The following THSD7A variants were observed in gnomAD, a reference collection of about 807,000 sequenced individuals.
THSD7A encodes thrombospondin type 1 domain containing 7A, also known as thrombospondin type-1 domain-containing protein 7A.
A neutral mutation model predicts 231.3 loss-of-function variants in THSD7A; 96 were observed. The ratio of observed to expected loss-of-function variants is 0.41; its 90% CI spans 0.35 to 0.49. The LOEUF is 0.49. Ranked by LOEUF, THSD7A falls within the 20% of genes least tolerant of loss-of-function variation. The pLI is 0.05. For synonymous variants in THSD7A, 940 were observed against 743.3 expected (o/e 1.26, Z -4.30); for missense variants, 2,290 against 2,070.2 (o/e 1.11, Z -2.06).
At chr7:11,587,785 A>G (rs1369376067) in intron 4 of THSD7A, among the ~76,000 whole-genome samples, 1 of 152,200 alleles carries the variant, frequency 6.6e-6, no homozygotes, top group East Asian at 1.9e-4. Context: ...AGTCAGTATC[A>G]TTCCCCTGTG....
Position 11,413,431 on chromosome 7 carries a change from CT to C in THSD7A, c.3538-632del, listed in dbSNP as rs566864264. 5.5e-4 allele frequency among the ~76,000 whole-genome samples: 84 copies of C among 152,014 alleles called. 1 individual carries two copies. The South Asian group carries it at 0.016, about 29-fold the overall frequency. The stretch of plus-strand genomic sequence containing the variant: ...CGTAAGGGTTATACAGAAACAAGCC[CT>C]TTGGAAAAACTCACTCTGCACCTGA... On this transcript the variant is annotated intron_variant, in intron 17 of 27. Transcript: ENST00000423059.
chr7:11,411,465 G>T lies in THSD7A; in HGVS notation c.3683-143C>A. The T allele has an allele frequency of 3.2e-6, 2 of 616,582 alleles. No homozygotes were observed. Among genetic ancestry groups the T allele is most frequent in the Non-Finnish European group, 5.7e-6 (2 of 351,606 alleles). The allele number at this position is 616,582 out of a possible 1,614,324, so 38.2% of individuals were successfully genotyped here. A position where few individuals can be genotyped will look rare whatever the true frequency, so the allele number is the denominator to read the frequency against. On this transcript the variant is annotated intron_variant, in intron 18 of 27. Coordinates refer to ENST00000423059, the MANE Select transcript of THSD7A (RefSeq NM_015204.3). This position sits in a 1 kb window ranked among gnomAD's most constrained non-coding sequence, Gnocchi z 4.1. ...AATCATCCCCCATGCAGAGCATATGGGTCCCAGCTTTGAACGTATCAGGAG... is the reference window on the plus strand; with the variant it reads ...AATCATCCCCCATGCAGAGCATATGTGTCCCAGCTTTGAACGTATCAGGAG...
At chr7:11,670,674 T>C (rs1783348282) in intron 1 of THSD7A, among the ~76,000 whole-genome samples, 1 of 152,160 alleles carries the variant, frequency 6.6e-6, no homozygotes, top group African/African-American at 2.4e-5. Flanking sequence ...AAGTGATCCA[T>C]TAGGATCACA....
At chr7:11,564,562 G>A (rs947954596) in intron 4 of THSD7A, among the ~76,000 whole-genome samples, 2 of 152,146 alleles carry the variant, frequency 1.3e-5, no homozygotes, top group East Asian at 3.9e-4. Context: ...CTTTGCCTTG[G>A]TGTCTGTTCC....
At chr7:11,623,027 T>C (rs1781369340) in intron 2 of THSD7A, among the ~76,000 whole-genome samples, 1 of 152,170 alleles carries the variant, frequency 6.6e-6, no homozygotes, top group African/African-American at 2.4e-5. Context: ...ATTCATGATT[T>C]TGTAACCTGG....
At chr7:11,820,014 C>T (rs963370819) in intron 1 of THSD7A, among the ~76,000 whole-genome samples, 4 of 152,088 alleles carry the variant, frequency 2.6e-5, no homozygotes, top group African/African-American at 7.2e-5. Flanking sequence ...CCAAGCATCG[C>T]TCTCCCACCC....
At chr7:11,683,905 C>A (rs990112879) in intron 1 of THSD7A, among the ~76,000 whole-genome samples, 3 of 151,746 alleles carry the variant, frequency 2.0e-5, no homozygotes, top group African/African-American at 7.3e-5. Flanking sequence ...TAAAATCTAG[C>A]AAAGACACAA....
In THSD7A at chr7:11,590,775, A is replaced by T. The variant is rs1326390479; in HGVS notation, c.1272-134T>A. On this transcript the variant is annotated intron_variant, in intron 3 of 27. Transcript: ENST00000423059. The surrounding 1 kb of genome is among the most constrained non-coding windows in gnomAD (Gnocchi z 4.4). ...AGAGAATCCATCGTAGACTACATCTATGGTGCATATTTGGTTTCAACTCCT... is the reference window on the plus strand; with the variant it reads ...AGAGAATCCATCGTAGACTACATCTTTGGTGCATATTTGGTTTCAACTCCT... 1.1e-5 allele frequency: 11 copies of T among 1,043,796 alleles called. No individual in the cohort carries two copies. The highest frequency in any genetic ancestry group is 3.1e-5 in the Admixed American group (1 of 32,480). 64.7% of individuals were successfully genotyped at this position (1,043,796 alleles called of 1,614,324 possible).
chr7:11,535,157 G>A (rs891711443), intron 6 of THSD7A, among the ~76,000 whole-genome samples: 2 of 152,114 alleles, frequency 1.3e-5, no homozygotes, highest in Non-Finnish European at 2.9e-5. Flanking sequence ...TGTCTCTGCT[G>A]AATCTACCCT....
At chr7:11,415,467 C>T (rs1367605693) in intron 17 of THSD7A, among the ~76,000 whole-genome samples, 1 of 152,182 alleles carries the variant, frequency 6.6e-6, no homozygotes, top group African/African-American at 2.4e-5. Context: ...TGATTCCACA[C>T]TGATGCTATC....
intron 23 of THSD7A, among the ~76,000 whole-genome samples, chr7:11,400,146 C>A (rs1279703353): frequency 7.4e-6 from 1 of 134,572 alleles, no homozygotes; most frequent in African/African-American, 2.8e-5. Context: ...GAACATCACA[C>A]ACTGCGGCCT....
intron 11 of THSD7A, among the ~76,000 whole-genome samples, chr7:11,456,503 C>A (rs896600363): frequency 6.6e-6 from 1 of 152,006 alleles, no homozygotes; most frequent in Non-Finnish European, 1.5e-5. Flanking sequence ...TTGTATACAT[C>A]TTCCCAACTG....
At chr7:11,622,144 G>A (rs1037816753) in intron 2 of THSD7A, among the ~76,000 whole-genome samples, 2 of 151,870 alleles carry the variant, frequency 1.3e-5, no homozygotes, top group Non-Finnish European at 2.9e-5. Context: ...TTTAATATTG[G>A]TCTTGTCTTA....
intron 1 of THSD7A, among the ~76,000 whole-genome samples, chr7:11,761,093 A>G (rs1362802774): frequency 6.6e-6 from 1 of 151,754 alleles, no homozygotes; most frequent in Non-Finnish European, 1.5e-5. Context: ...AAATTTTTAG[A>G]ACAGCCCGAA....
At chr7:11,401,410 T>A (rs982238701) in intron 23 of THSD7A, among the ~76,000 whole-genome samples, 3 of 152,280 alleles carry the variant, frequency 2.0e-5, no homozygotes, top group Admixed American at 2.0e-4. Flanking sequence ...AGTAAATTTT[T>A]AAATTATTTA....
rs867773561 is a variant in THSD7A, at chr7:11,593,357, G to C, written c.1168C>G (p.Arg390Gly). ...VSPAGTRVRT[R>G]TIRQFPIGSE... is the part of the protein sequence containing the mutation. Reference sequence around the variant, plus strand: ...CCAATGGGAAACTGCCTGATGGTTCGTGTCCTTACACGAGTGCCTGCAGGG... The same window carrying C: ...CCAATGGGAAACTGCCTGATGGTTCCTGTCCTTACACGAGTGCCTGCAGGG... Residue 390 changes from arginine (R) to glycine (G), a missense_variant, in exon 3 of 28, where the codon CGA becomes GGA. Arg to Gly is a moderately radical substitution (Grantham distance 125). Coordinates refer to ENST00000423059, the MANE Select transcript of THSD7A (RefSeq NM_015204.3). The C allele has an allele frequency of 6.2e-7, 1 of 1,613,980 alleles. No individual in the cohort carries two copies. Among genetic ancestry groups the C allele is most frequent in the South Asian group, 1.1e-5 (1 of 91,084 alleles).
chr7:11,809,527 C>A (rs1445196841), intron 1 of THSD7A, among the ~76,000 whole-genome samples: 1 of 152,030 alleles, frequency 6.6e-6, no homozygotes, highest in African/African-American at 2.4e-5. Context: ...TCACTTATTG[C>A]AGGAAGATTT....
chr7:11,540,871 A>G (rs930213982), intron 6 of THSD7A, among the ~76,000 whole-genome samples: 1 of 152,192 alleles, frequency 6.6e-6, no homozygotes, highest in African/African-American at 2.4e-5. Flanking sequence ...GGACATTCCT[A>G]AATAGTGGAG....
intron 1 of THSD7A, among the ~76,000 whole-genome samples, chr7:11,647,316 T>C (rs1782319782): frequency 6.6e-6 from 1 of 152,032 alleles, no homozygotes; most frequent in South Asian, 2.1e-4. Context: ...CTGAAGTGAC[T>C]CAGGGGAACG....
Sources: allele counts gnomAD v4.1 joint callset (sites outside exome capture counted in the v4.1 genomes callset), GRCh38; gene constraint gnomAD v4.1.1; non-coding constraint Gnocchi (gnomAD v3.1); transcripts MANE v1.5; gene names NCBI Gene and HGNC (gene_info 2026-07-23, HGNC 2026-07-21).